The following CASK variants were observed in gnomAD, a reference collection of about 807,000 sequenced individuals.
CASK encodes the protein peripheral plasma membrane protein CASK.
Under a neutral mutation model 82.9 loss-of-function variants are expected in CASK, and 4 were observed. That is an observed-to-expected ratio of 0.05 (90% CI 0.02 to 0.11). CASK has a LOEUF of 0.11. Ranked by LOEUF, CASK falls within the 10% of genes least tolerant of loss-of-function variation. The pLI is 1.00. For synonymous variants in CASK, 259 were observed against 253.5 expected, an observed-to-expected ratio of 1.02 and a Z score of -0.20; for missense variants, 358 against 720.9, an observed-to-expected ratio of 0.50 and a Z score of 5.76.
At chrX:41,570,795 TG>T (rs1201516872) in intron 15 of CASK, 1 of 112,227 alleles carries the variant, frequency 8.9e-6, no homozygotes, top group African/African-American at 3.2e-5. Flanking sequence ...TCTTGCTGAG[TG>T]GTATTCCATT....
intron 1 of CASK, among the ~76,000 whole-genome samples, chrX:41,896,571 T>C (rs2072274567): frequency 1.8e-5 from 2 of 112,397 alleles, no homozygotes; most frequent in African/African-American, 3.2e-5. Flanking sequence ...AAATGAATTA[T>C]ATATTTTTGA....
intron 14 of CASK, among the ~76,000 whole-genome samples, chrX:41,583,505 C>T (rs1343738678): frequency 9.1e-6 from 1 of 110,277 alleles, no homozygotes; most frequent in African/African-American, 3.3e-5. Flanking sequence ...GGCGTGATCT[C>T]GCCTCACTGA....
Position 41,549,134 on chromosome X carries a change from G to A in CASK, c.2039+4585C>T, listed in dbSNP as rs190999952. On this transcript the variant is annotated intron_variant, in intron 21 of 26. Transcript: ENST00000378163. ...TGCCTAGAGTAAGGCATTTGGGTCC[G>A]AAAAAACTGATTTCTCATCTAGAAA... Among the ~76,000 whole-genome samples the A allele has an allele frequency of 1.8e-4, 20 of 111,618 alleles. No individual in the cohort carries two copies. In the East Asian group the frequency reaches 5.6e-3, roughly 31 times the overall value.
intron 5 of CASK, among the ~76,000 whole-genome samples, chrX:41,687,063 TGTG>T: frequency 8.9e-6 from 1 of 111,838 alleles, no homozygotes; most frequent in Non-Finnish European, 1.9e-5. Flanking sequence ...GAGGAGAAAA[TGTG>T]GTCACAATAT....
intron 2 of CASK, among the ~76,000 whole-genome samples, chrX:41,800,132 C>T (rs1457934579): frequency 9.0e-6 from 1 of 111,099 alleles, no homozygotes; most frequent in Admixed American, 9.6e-5. Flanking sequence ...TGAGTGGCAG[C>T]TCCCATCTCC....
At chrX:41,917,550 T>A (rs2072714005) in intron 1 of CASK, among the ~76,000 whole-genome samples, 1 of 112,073 alleles carries the variant, frequency 8.9e-6, no homozygotes, top group African/African-American at 3.2e-5. Context: ...AAAGGAAATA[T>A]CCAGGTACAC....
At chrX:41,903,388 ATGGT>A (rs1349041780) in intron 1 of CASK, among the ~76,000 whole-genome samples, 1 of 112,069 alleles carries the variant, frequency 8.9e-6, no homozygotes, top group Non-Finnish European at 1.9e-5. Flanking sequence ...GGAGTGAAGG[ATGGT>A]TGGTAAGAAA....
chrX:41,712,187 A>G (rs1034320848), intron 5 of CASK, among the ~76,000 whole-genome samples: 1 of 112,521 alleles, frequency 8.9e-6, no homozygotes, highest in African/African-American at 3.2e-5. Flanking sequence ...CACTGTTTTG[A>G]GCTGCAGCTG....
intron 3 of CASK, among the ~76,000 whole-genome samples, chrX:41,753,355 T>G (rs1191503228): frequency 9.0e-6 from 1 of 111,576 alleles, no homozygotes; most frequent in Non-Finnish European, 1.9e-5. Flanking sequence ...CAAAGTAGTT[T>G]GTATCCATAA....
chrX:41,863,553 A>C (rs1393400716), intron 1 of CASK, among the ~76,000 whole-genome samples: 1 of 112,548 alleles, frequency 8.9e-6, no homozygotes, highest in Admixed American at 9.4e-5. Flanking sequence ...TCTGCCCTAA[A>C]CAGGAACACT....
chrX:41,647,121 C>T (rs967832829), intron 8 of CASK, among the ~76,000 whole-genome samples: 3 of 111,993 alleles, frequency 2.7e-5, no homozygotes, highest in African/African-American at 9.7e-5. Context: ...GAATTCTCAA[C>T]AAGGCATCGA....
intron 7 of CASK, among the ~76,000 whole-genome samples, chrX:41,662,078 T>C (rs1373023891): frequency 9.0e-6 from 1 of 111,540 alleles, no homozygotes; most frequent in African/African-American, 3.3e-5. Context: ...AACACAGGAT[T>C]TTCTATTCCT....
In CASK at chrX:41,561,771, A is replaced by G. The variant is rs745585285; in HGVS notation, c.1583-127T>C. On this transcript the variant is annotated intron_variant, in intron 16 of 26. Coordinates refer to ENST00000378163, the MANE Select transcript of CASK (RefSeq NM_001367721.1). ...GAGGGCCAATATTTCAGAGGCAGGT[A>G]CAAGTTTGGTTGCAGCAGAATTATT... is the stretch of plus-strand genomic sequence containing the variant. 34 of 542,507 alleles carry G rather than the reference A, an allele frequency of 6.3e-5. No individual in the cohort carries two copies. In the African/African-American group the frequency reaches 7.4e-4, roughly 12 times the overall value. 44.7% of individuals were successfully genotyped at this position (542,507 alleles called of 1,213,427 possible). A position where few individuals can be genotyped will look rare whatever the true frequency, so the allele number is the denominator to read the frequency against.
At chrX:41,802,943 G>T (rs1273848884) in intron 2 of CASK, among the ~76,000 whole-genome samples, 1 of 110,985 alleles carries the variant, frequency 9.0e-6, no homozygotes, top group Non-Finnish European at 1.9e-5. Flanking sequence ...GTAATATAAA[G>T]ACATTTTCAG....
intron 5 of CASK, among the ~76,000 whole-genome samples, chrX:41,723,850 A>G (rs1242962694): frequency 8.9e-6 from 1 of 112,313 alleles, no homozygotes; most frequent in Non-Finnish European, 1.9e-5. Flanking sequence ...TTTACAAACG[A>G]GTTTGCACCA....
chrX:41,728,039 T>C (rs1298172722), intron 5 of CASK: 4 of 1,054,437 alleles, frequency 3.8e-6, no homozygotes, highest in South Asian at 2.5e-5. Flanking sequence ...TATGGTTGAC[T>C]TTTGAATGGA....
At chrX:41,638,915 A>G (rs554603944) in intron 8 of CASK, among the ~76,000 whole-genome samples, 9 of 111,236 alleles carry the variant, frequency 8.1e-5, no homozygotes, top group African/African-American at 1.3e-4. Context: ...GTTATATTGC[A>G]TAACAGTGAG....
At chrX:41,703,070 T>G (rs185980980) in intron 5 of CASK, among the ~76,000 whole-genome samples, 2 of 112,394 alleles carry the variant, frequency 1.8e-5, no homozygotes, top group East Asian at 5.6e-4. Context: ...TGGAATCTCT[T>G]TTTGCTTTAA....
At chrX:41,536,424 T>C (rs770414359) in intron 22 of CASK, among the ~76,000 whole-genome samples, 1 of 111,134 alleles carries the variant, frequency 9.0e-6, no homozygotes, top group Non-Finnish European at 1.9e-5. Context: ...TGCATTACTT[T>C]AGCCAATCAT....
Sources: allele counts gnomAD v4.1 joint callset (sites outside exome capture counted in the v4.1 genomes callset), GRCh38; gene constraint gnomAD v4.1.1; transcripts MANE v1.5; gene names NCBI Gene and HGNC (gene_info 2026-07-23, HGNC 2026-07-21).